HDGFL3: variants seen among roughly 807,000 people sequenced by gnomAD.
HDGFL3 encodes the protein hepatoma-derived growth factor-related protein 3.
A neutral mutation model predicts 27.6 loss-of-function variants in HDGFL3; 6 were observed. The observed-to-expected ratio is 0.22, with a 90% CI of 0.12 to 0.43. The LOEUF (loss-of-function observed/expected upper bound fraction) is 0.43. Ranked by LOEUF, HDGFL3 falls within the 20% of genes least tolerant of loss-of-function variation. HDGFL3 has a pLI of 1.00. For synonymous variants in HDGFL3, 88 were observed against 88.9 expected, an observed-to-expected ratio of 0.99 and a Z score of 0.05; for missense variants, 207 against 250.1, an observed-to-expected ratio of 0.83 and a Z score of 1.16.
intron 1 of HDGFL3, among the ~76,000 whole-genome samples, chr15:83,179,519 GA>G (rs1202535046): frequency 1.3e-5 from 2 of 152,166 alleles, no homozygotes; most frequent in Non-Finnish European, 2.9e-5. Flanking sequence ...TTGGGGGTGA[GA>G]AGTCCTAAGA....
rs550451644 is a variant in HDGFL3 at position 83,133,064 on chromosome 15, C to T, written c.*6206G>A. The stretch of plus-strand genomic sequence containing the variant: ...CTGTCTAAGCATGTCACAAACATCA[C>T]CTCACTGAACCCTCATAACAACCTA... On this transcript the variant is annotated 3_prime_UTR_variant, in exon 6 of 6. Transcript: ENST00000299633. The T allele has an allele frequency of 1.3e-5, 2 of 152,210 alleles. No homozygotes were observed. Among genetic ancestry groups the T allele is most frequent in the African/African-American group, 2.4e-5 (1 of 41,444 alleles). The allele number at this position is 152,210 out of a possible 1,614,324, so 9.4% of individuals were successfully genotyped here.
rs189998992 is a variant in HDGFL3 at position 83,157,678 on chromosome 15, C to T, written c.301-105G>A. 195 of 1,192,342 alleles carry T rather than the reference C, an allele frequency of 1.6e-4. 2 individuals carry two copies. In the African/African-American group the frequency reaches 2.7e-3, roughly 16 times the overall value. The allele number at this position is 1,192,342 out of a possible 1,614,324, so 73.9% of individuals were successfully genotyped here. On this transcript the variant is annotated intron_variant, in intron 3 of 5. Transcript: ENST00000299633. The stretch of plus-strand genomic sequence containing the variant: ...TTCATTTGAAAGGGTTCCGCTTACT[C>T]GGAAGATTTTCAAAAACAAAGGGCT...
At chr15:83,160,600 A>G (rs897602702) in intron 2 of HDGFL3, among the ~76,000 whole-genome samples, 7 of 152,198 alleles carry the variant, frequency 4.6e-5, no homozygotes, top group African/African-American at 1.7e-4. Context: ...TGCTACATTT[A>G]AAATCCAGTT....
intron 5 of HDGFL3, among the ~76,000 whole-genome samples, chr15:83,146,506 T>C (rs1010633616): frequency 1.2e-4 from 18 of 152,326 alleles, no homozygotes; most frequent in African/African-American, 4.3e-4. Context: ...TCAAACTCTG[T>C]TGACTCTCTC....
intron 1 of HDGFL3, among the ~76,000 whole-genome samples, chr15:83,204,389 T>C (rs1381689608): frequency 2.0e-5 from 3 of 152,078 alleles, no homozygotes; most frequent in African/African-American, 4.8e-5. Context: ...ATGGCATGCA[T>C]GTGTCTAGGA....
At chr15:83,184,179 T>C (rs906643138) in intron 1 of HDGFL3, among the ~76,000 whole-genome samples, 1 of 152,238 alleles carries the variant, frequency 6.6e-6, no homozygotes, top group African/African-American at 2.4e-5. Context: ...ATATGCGATA[T>C]CAACTTTTTT....
Position 83,207,212 on chromosome 15 carries a change from ACCACAGCCGGCCGCGAGCTGCGG to A in HDGFL3, c.84+96_84+118del. On this transcript the variant is annotated intron_variant, in intron 1 of 5. Coordinates refer to ENST00000299633, the MANE Select transcript of HDGFL3 (RefSeq NM_016073.4). This position sits in a 1 kb window ranked among gnomAD's most constrained non-coding sequence, Gnocchi z 4.8. ...TCGTGCCGCGCCGCCCTCAGCCCTC[ACCACAGCCGGCCGCGAGCTGCGG>A]GCTCGGGGCTGAGGCGATGGGGAAA... 1 of 654,342 alleles carries A rather than the reference ACCACAGCCGGCCGCGAGCTGCGG, an allele frequency of 1.5e-6. No individual in the cohort carries two copies. The highest frequency in any genetic ancestry group is 2.2e-6 in the Non-Finnish European group (1 of 454,768). The allele number at this position is 654,342 out of a possible 1,614,324, so 40.5% of individuals were successfully genotyped here. A position where few individuals can be genotyped will look rare whatever the true frequency, so the allele number is the denominator to read the frequency against.
downstream of HDGFL3, among the ~76,000 whole-genome samples, chr15:83,123,052 A>T (rs1235919896): frequency 6.6e-6 from 1 of 152,240 alleles, no homozygotes; most frequent in Non-Finnish European, 1.5e-5. Flanking sequence ...GTAGGCAAGA[A>T]GGTCTGTTTC....
chr15:83,203,214 G>A (rs558094511), intron 1 of HDGFL3, among the ~76,000 whole-genome samples: 3 of 152,116 alleles, frequency 2.0e-5, no homozygotes, highest in Middle Eastern at 3.4e-3. Context: ...TTAGAGTAGG[G>A]GGTAACATAA....
intron 4 of HDGFL3, among the ~76,000 whole-genome samples, chr15:83,157,042 T>C (rs1175859238): frequency 6.6e-6 from 1 of 152,190 alleles, no homozygotes; most frequent in African/African-American, 2.4e-5. Context: ...ATGTGATGCA[T>C]TTACACATAT....
chr15:83,165,666 G>C (rs1477906312), intron 1 of HDGFL3, among the ~76,000 whole-genome samples: 1 of 151,908 alleles, frequency 6.6e-6, no homozygotes, highest in Non-Finnish European at 1.5e-5. Flanking sequence ...ATGGTGATGG[G>C]CACCTGTAGT....
chr15:83,113,242 C>G, exon 4 of HDGFL3: 1 of 381,470 alleles, frequency 2.6e-6, no homozygotes, highest in Non-Finnish European at 5.0e-6. Flanking sequence ...AGCAGTCCCC[C>G]CCACTTAGTG....
chr15:83,115,784 A>C, intron 3 of HDGFL3: 1 of 1,108,854 alleles, frequency 9.0e-7, no homozygotes, highest in South Asian at 1.3e-5. Context: ...AGCTGATGCC[A>C]AGCTTGTAGT....
chr15:83,204,753 G>T (rs1217413302), intron 1 of HDGFL3, among the ~76,000 whole-genome samples: 2 of 152,198 alleles, frequency 1.3e-5, no homozygotes, highest in East Asian at 3.8e-4. Context: ...TTTGTGAGGT[G>T]AGAATTATCT....
intron 5 of HDGFL3, among the ~76,000 whole-genome samples, chr15:83,141,073 C>A (rs146367087): frequency 2.6e-5 from 4 of 152,230 alleles, no homozygotes; most frequent in African/African-American, 7.2e-5. Context: ...TTAAAAAATT[C>A]TCATACCATA....
At chr15:83,140,151 G>A (rs2036739458) in intron 5 of HDGFL3, among the ~76,000 whole-genome samples, 1 of 152,118 alleles carries the variant, frequency 6.6e-6, no homozygotes, top group Admixed American at 6.6e-5. Flanking sequence ...CATTCAGACA[G>A]CCCAACATGT....
At chr15:83,153,469 T>C (rs183948353) in intron 4 of HDGFL3, among the ~76,000 whole-genome samples, 4 of 152,334 alleles carry the variant, frequency 2.6e-5, no homozygotes, top group African/African-American at 9.6e-5. Context: ...ACTAGTGTTT[T>C]ATTAATGAGT....
At chr15:83,163,333 G>T (rs2037123878) in intron 2 of HDGFL3, among the ~76,000 whole-genome samples, 1 of 152,160 alleles carries the variant, frequency 6.6e-6, no homozygotes, top group South Asian at 2.1e-4. Context: ...CTGCCTGCAA[G>T]ATGCACATGT....
At chr15:83,166,655 T>G (rs2037175370) in intron 1 of HDGFL3, among the ~76,000 whole-genome samples, 1 of 152,170 alleles carries the variant, frequency 6.6e-6, no homozygotes, top group Non-Finnish European at 1.5e-5. Flanking sequence ...TGGCTCATGG[T>G]TCTGCAGGCT....
Sources: allele counts gnomAD v4.1 joint callset (sites outside exome capture counted in the v4.1 genomes callset), GRCh38; gene constraint gnomAD v4.1.1; non-coding constraint Gnocchi (gnomAD v3.1); transcripts MANE v1.5; gene names NCBI Gene and HGNC (gene_info 2026-07-23, HGNC 2026-07-21).